Variants in PTPRD observed in about 807,000 individuals in gnomAD.
PTPRD encodes protein tyrosine phosphatase receptor type D.
Under a neutral mutation model 214.5 loss-of-function variants are expected in PTPRD, and 34 were observed. That is an observed-to-expected ratio of 0.16 (90% CI 0.12 to 0.21). PTPRD has a LOEUF of 0.21. Among genes scored for constraint, PTPRD ranks in the 10% least tolerant of loss-of-function variants. The pLI is 1.00. For synonymous variants in PTPRD, 1,128 were observed against 845.7 expected, an observed-to-expected ratio of 1.33 and a Z score of -5.79; for missense variants, 2,545 against 2,398.7, an observed-to-expected ratio of 1.06 and a Z score of -1.27.
intron 10 of PTPRD, among the ~76,000 whole-genome samples, chr9:9,111,206 T>G (rs1222255398): frequency 1.1e-5 from 1 of 94,386 alleles, no homozygotes; most frequent in African/African-American, 4.0e-5. Flanking sequence ...ATTCATTAGA[T>G]AAAGAAAAAA....
chr9:9,880,991 T>C (rs544462402), intron 5 of PTPRD, among the ~76,000 whole-genome samples: 113 of 152,290 alleles, frequency 7.4e-4, no homozygotes, highest in African/African-American at 2.6e-3. Context: ...AAAAGTATTT[T>C]GCATAGGCAC....
chr9:8,808,547 A>C (rs144078002), intron 11 of PTPRD, among the ~76,000 whole-genome samples: 323 of 150,858 alleles, frequency 2.1e-3, no homozygotes, highest in African/African-American at 7.6e-3. Flanking sequence ...AGTACACTAA[A>C]GCCCAGAGAC....
At chr9:9,971,735 G>C (rs1338425158) in intron 4 of PTPRD, among the ~76,000 whole-genome samples, 2 of 152,090 alleles carry the variant, frequency 1.3e-5, no homozygotes, top group Non-Finnish European at 2.9e-5. Flanking sequence ...TATTTAGAGA[G>C]AAGTAATCTA....
At chr9:9,599,341 GTAAATGTCTGAGTTGGGATTT>G (rs528080831) in intron 7 of PTPRD, among the ~76,000 whole-genome samples, 3 of 152,120 alleles carry the variant, frequency 2.0e-5, no homozygotes, top group African/African-American at 7.2e-5. Flanking sequence ...GGCTCTTTTA[GTAAATGTCTGAGTTGGGATTT>G]TATCTGATAC....
At chr9:9,560,892 A>G (rs2082754176) in intron 8 of PTPRD, among the ~76,000 whole-genome samples, 1 of 152,080 alleles carries the variant, frequency 6.6e-6, no homozygotes, top group African/African-American at 2.4e-5. Context: ...CTTCATGGTC[A>G]GTAGCTTAAC....
chr9:10,425,048 T>C (rs1359687526), intron 2 of PTPRD, among the ~76,000 whole-genome samples: 2 of 152,024 alleles, frequency 1.3e-5, no homozygotes, highest in Admixed American at 6.6e-5. Flanking sequence ...ATAGGGTTTA[T>C]AGTTTTACAT....
intron 11 of PTPRD, among the ~76,000 whole-genome samples, chr9:8,787,919 T>C (rs918251190): frequency 6.6e-6 from 1 of 152,176 alleles, no homozygotes; most frequent in African/African-American, 2.4e-5. Context: ...TCACCTTTTT[T>C]TAAAACTCAT....
At chr9:8,393,247 C>T (rs2090160269) in intron 36 of PTPRD, among the ~76,000 whole-genome samples, 1 of 152,022 alleles carries the variant, frequency 6.6e-6, no homozygotes, top group African/African-American at 2.4e-5. Flanking sequence ...CACTTCTAAT[C>T]CAAGAGAAGT....
At chr9:9,869,494 G>C (rs1252805263) in intron 5 of PTPRD, among the ~76,000 whole-genome samples, 1 of 152,010 alleles carries the variant, frequency 6.6e-6, no homozygotes, top group Non-Finnish European at 1.5e-5. Flanking sequence ...TTTTATTGTA[G>C]AACGTTCCAC....
rs1294329494 is a variant in PTPRD, at chr9:10,412,660, ACACACC to A, written c.-599-71649_-599-71644del. Among the ~76,000 whole-genome samples, 53 of 106,804 alleles carry A rather than the reference ACACACC, an allele frequency of 5.0e-4. 1 individual carries two copies. The highest frequency in any genetic ancestry group is 8.8e-4 in the African/African-American group (28 of 31,780). The allele number at this position is 106,804 out of a possible 152,430, so 70.1% of individuals were successfully genotyped here. On this transcript the variant is annotated intron_variant, in intron 2 of 45. Coordinates refer to ENST00000381196, the MANE Select transcript of PTPRD (RefSeq NM_002839.4). ...CACACACACACACACACACACACAC[ACACACC>A]CCTTGAAGCCAATATTCTTGATGAA...
chr9:9,910,453 T>C lies in PTPRD; in HGVS notation c.-368+28054A>G, dbSNP rs115069999. Among the ~76,000 whole-genome samples, 898 of 152,158 alleles carry C rather than the reference T, an allele frequency of 5.9e-3. 9 individuals are homozygous for C. Among genetic ancestry groups the C allele is most frequent in the African/African-American group, 0.021 (854 of 41,558 alleles). On this transcript the variant is annotated intron_variant, in intron 5 of 45. Transcript: ENST00000381196. ...TTTTCTAGAAGAAAATATACTGAGC[T>C]GAAAGAAATGTATTCTTGAAGGATG... is the stretch of plus-strand genomic sequence containing the variant.
intron 8 of PTPRD, among the ~76,000 whole-genome samples, chr9:9,419,392 C>G (rs11791073): frequency 0.073 from 11,001 of 151,460 alleles, 476 homozygotes; most frequent in Middle Eastern, 0.18. Context: ...AATAGAAATA[C>G]TGTAGGGTTA....
At chr9:9,838,031 T>C (rs563627690) in intron 5 of PTPRD, among the ~76,000 whole-genome samples, 2 of 152,246 alleles carry the variant, frequency 1.3e-5, no homozygotes, top group Non-Finnish European at 2.9e-5. Flanking sequence ...TGGTTTTGTG[T>C]CCTTGCGATA....
At chr9:8,928,086 C>T (rs7850190) in intron 11 of PTPRD, among the ~76,000 whole-genome samples, 151,758 of 152,316 alleles carry the variant, frequency 1, 75,604 homozygotes, top group Middle Eastern at 1. Flanking sequence ...AAATTATTTG[C>T]AGATTCTGGA....
intron 2 of PTPRD, among the ~76,000 whole-genome samples, chr9:10,465,912 T>C (rs2098990271): frequency 6.6e-6 from 1 of 152,176 alleles, no homozygotes; most frequent in South Asian, 2.1e-4. Flanking sequence ...CAGTTCCAAA[T>C]AGTAAATACT....
At chr9:8,791,291 T>A (rs760298495) in intron 11 of PTPRD, among the ~76,000 whole-genome samples, 3 of 152,062 alleles carry the variant, frequency 2.0e-5, no homozygotes, top group Non-Finnish European at 2.9e-5. Context: ...AGTGGCGTGA[T>A]CTCCGCTCAC....
chr9:8,550,363 C>G (rs559132516), intron 14 of PTPRD, among the ~76,000 whole-genome samples: 1 of 152,226 alleles, frequency 6.6e-6, no homozygotes, highest in East Asian at 1.9e-4. Context: ...ATAGTAAATA[C>G]TTTAAAAATT....
intron 4 of PTPRD, among the ~76,000 whole-genome samples, chr9:10,031,099 A>T (rs561909910): frequency 6.6e-6 from 1 of 152,314 alleles, no homozygotes; most frequent in East Asian, 1.9e-4. Flanking sequence ...AAGTATAGAT[A>T]CTGTAGCGCC....
At chr9:9,597,066 C>A (rs950847782) in intron 7 of PTPRD, among the ~76,000 whole-genome samples, 1 of 151,864 alleles carries the variant, frequency 6.6e-6, no homozygotes, top group African/African-American at 2.4e-5. Flanking sequence ...GTAAGAAGTT[C>A]CCAGTAGTCA....
Sources: allele counts gnomAD v4.1 joint callset (sites outside exome capture counted in the v4.1 genomes callset), GRCh38; gene constraint gnomAD v4.1.1; transcripts MANE v1.5; gene names NCBI Gene and HGNC (gene_info 2026-07-23, HGNC 2026-07-21).